The following CFAP251 variants were observed in gnomAD, a reference collection of about 807,000 sequenced individuals.
CFAP251 encodes cilia- and flagella-associated protein 251.
Under a neutral mutation model 126.7 loss-of-function variants are expected in CFAP251, and 93 were observed. The ratio of observed to expected loss-of-function variants is 0.73; its 90% CI spans 0.62 to 0.87. CFAP251 has a LOEUF of 0.87. CFAP251 is among the 40% of genes least tolerant of loss of function. CFAP251 has a pLI of 0.00. For synonymous variants in CFAP251, 503 were observed against 506.9 expected (o/e 0.99, Z 0.10); for missense variants, 1,287 against 1,389.2 (o/e 0.93, Z 1.17).
At chr12:122,001,296 T>A (rs946943295) in intron 20 of CFAP251, among the ~76,000 whole-genome samples, 1 of 152,068 alleles carries the variant, frequency 6.6e-6, no homozygotes, top group African/African-American at 2.4e-5. Context: ...CCTCAAGTGA[T>A]ACGCCCACCT....
At chr12:121,919,917 C>T (rs1252478093) in intron 1 of CFAP251, among the ~76,000 whole-genome samples, 1 of 152,156 alleles carries the variant, frequency 6.6e-6, no homozygotes, top group East Asian at 1.9e-4. Context: ...CGTGATGGCT[C>T]ACGCCTGTAA....
intron 3 of CFAP251, among the ~76,000 whole-genome samples, chr12:121,926,176 A>G (rs918723545): frequency 6.6e-6 from 1 of 151,090 alleles, no homozygotes; most frequent in East Asian, 2.0e-4. Flanking sequence ...TTTTTAAGAG[A>G]CAGAGCCCTG....
At chr12:121,987,994 T>C (rs1029986435) in intron 19 of CFAP251, among the ~76,000 whole-genome samples, 2 of 152,104 alleles carry the variant, frequency 1.3e-5, no homozygotes, top group African/African-American at 4.8e-5. Context: ...TTTTTCTTTA[T>C]ATCTCCATTG....
intron 7 of CFAP251, chr12:121,948,719 C>CAAA: frequency 3.9e-5 from 7 of 178,722 alleles, no homozygotes; most frequent in East Asian, 1.8e-4. Flanking sequence ...GACTCTGGCT[C>CAAA]AAAAAAAAAA....
In CFAP251 at chr12:121,999,883, C is replaced by A. The variant is rs752240892; in HGVS notation, c.3174C>A (p.Thr1058=). ...AGAGCTTTGAGGTGCTCGGTTATAC[C>A]AACTCCAAAGGGAAAAAGGCCATTC... The part of the protein sequence containing the change: ...IHKSFEVLGY[T]NSKGKKAIRR... Residue 1058 remains threonine, a synonymous_variant, in exon 20 of 22, where the codon ACC becomes ACA. Coordinates refer to ENST00000288912, the MANE Select transcript of CFAP251 (RefSeq NM_144668.6). The A allele has an allele frequency of 2.5e-6, 4 of 1,614,094 alleles. No individual in the cohort carries two copies. The South Asian group carries it at 4.4e-5, about 18-fold the overall frequency.
intron 3 of CFAP251, among the ~76,000 whole-genome samples, chr12:121,930,987 G>A (rs1470479364): frequency 6.6e-6 from 1 of 152,106 alleles, no homozygotes; most frequent in African/African-American, 2.4e-5. Flanking sequence ...AACCTCAGGT[G>A]ATCCACCCAC....
intron 19 of CFAP251, among the ~76,000 whole-genome samples, chr12:121,979,501 G>A (rs1202141655): frequency 3.3e-5 from 5 of 150,044 alleles, no homozygotes; most frequent in Non-Finnish European, 5.9e-5. Context: ...CGGAGCCGCC[G>A]ACATTTGAAG....
chr12:122,001,693 T>C, intron 21 of CFAP251, 95 bp downstream of exon 21: 1 of 938,788 alleles, frequency 1.1e-6, no homozygotes, highest in Non-Finnish European at 1.7e-6. Context: ...TGCAAGCCAC[T>C]CTCCCTAAGA....
intron 5 of CFAP251, among the ~76,000 whole-genome samples, chr12:121,941,330 CTTTT>C (rs68005842): frequency 2.3e-5 from 2 of 87,704 alleles, no homozygotes; most frequent in Admixed American, 1.3e-4. Context: ...CCATGCTGGC[CTTTT>C]TTTTTTTTTT....
intron 19 of CFAP251, among the ~76,000 whole-genome samples, chr12:121,978,121 G>A (rs1420802603): frequency 2.6e-5 from 4 of 151,186 alleles, no homozygotes; most frequent in South Asian, 2.1e-4. Flanking sequence ...GGCCGGGCGC[G>A]GTGGCTCACG....
chr12:121,998,437 ATATATATATATATATAT>A (rs1883071062), intron 19 of CFAP251: 1 of 1,202 alleles, frequency 8.3e-4, no homozygotes, highest in Non-Finnish European at 1.9e-3. Flanking sequence ...AGTGTAATAT[ATATATATATATATATAT>A]ATATATATAT....
intron 15 of CFAP251, among the ~76,000 whole-genome samples, chr12:121,964,146 T>TA (rs1882043653): frequency 1.1e-4 from 1 of 9,102 alleles, no homozygotes; most frequent in Non-Finnish European, 4.3e-4. Context: ...CACCCGGGAT[T>TA]TGTTGTTGTT....
intron 6 of CFAP251, 36 bp from the exon 7 acceptor site, chr12:121,942,859 A>G: frequency 6.2e-7 from 1 of 1,610,776 alleles, no homozygotes; most frequent in Non-Finnish European, 8.5e-7. Flanking sequence ...GACTTCACAG[A>G]CCTTCTCATG....
At chr12:121,976,256 G>T (rs1167797333) in intron 19 of CFAP251, among the ~76,000 whole-genome samples, 1 of 151,974 alleles carries the variant, frequency 6.6e-6, no homozygotes, top group African/African-American at 2.4e-5. Context: ...TGATCTGCCC[G>T]CCTCGGCCTC....
At chr12:121,926,677 G>A (rs988034202) in intron 3 of CFAP251, among the ~76,000 whole-genome samples, 2 of 152,132 alleles carry the variant, frequency 1.3e-5, no homozygotes, top group African/African-American at 4.8e-5. Context: ...GGGCGCGGTG[G>A]CTCACACCTG....
At chr12:122,002,430 C>T (rs1026317252) in intron 21 of CFAP251, among the ~76,000 whole-genome samples, 26 of 152,134 alleles carry the variant, frequency 1.7e-4, no homozygotes, top group African/African-American at 2.9e-4. Context: ...GTCCCAGCTA[C>T]TCAGGAGGCT....
At chr12:121,980,403 TC>T (rs1882591310) in intron 19 of CFAP251, among the ~76,000 whole-genome samples, 2 of 147,228 alleles carry the variant, frequency 1.4e-5, no homozygotes, top group African/African-American at 5.1e-5. Flanking sequence ...CATTCTCACT[TC>T]CTTCTTTTTT....
At position 121,989,661 on chromosome 12, in the gene CFAP251, C is replaced by T. The variant is rs1400019354; in HGVS notation, c.3007-10055C>T. Among the ~76,000 whole-genome samples the T allele has an allele frequency of 2.0e-5, 3 of 152,270 alleles. No individual in the cohort carries two copies. Among genetic ancestry groups the T allele is most frequent in the South Asian group, 2.1e-4 (1 of 4,824 alleles). ...GAAGATGATGAGTGGGAACAAGACA[C>T]TGTGCCCCATTAGTTGAGAATGTTC... On this transcript the variant is annotated intron_variant, in intron 19 of 21. Transcript: ENST00000288912. This position sits in a 1 kb window ranked among gnomAD's most constrained non-coding sequence, Gnocchi z 4.2.
intron 3 of CFAP251, among the ~76,000 whole-genome samples, chr12:121,930,734 A>G (rs74240734): frequency 0.25 from 37,277 of 148,224 alleles, 5,835 homozygotes; most frequent in East Asian, 0.5. Flanking sequence ...CAGGCTGAAT[A>G]ATTAATTGCC....
Sources: allele counts gnomAD v4.1 joint callset (sites outside exome capture counted in the v4.1 genomes callset), GRCh38; gene constraint gnomAD v4.1.1; non-coding constraint Gnocchi (gnomAD v3.1); transcripts MANE v1.5; gene names NCBI Gene and HGNC (gene_info 2026-07-23, HGNC 2026-07-21).